Variants in RP1 observed in about 807,000 individuals in gnomAD.
The protein encoded by RP1 is oxygen-regulated protein 1.
In RP1, 16 loss-of-function variants were observed where a neutral mutation model predicts 14.8. That is an observed-to-expected ratio of 1.08 (90% CI 0.73 to 1.65). The LOEUF is 1.65. Ranked by LOEUF, RP1 falls within the 40% of genes most tolerant of loss-of-function variation. RP1 has a pLI of 0.00. For synonymous variants in RP1, 876 were observed against 883.6 expected, an observed-to-expected ratio of 0.99 and a Z score of 0.15; for missense variants, 2,631 against 2,535.0, an observed-to-expected ratio of 1.04 and a Z score of -0.81.
intron 22 of RP1, among the ~76,000 whole-genome samples, chr8:54,765,513 C>T (rs1031272526): frequency 5.3e-5 from 8 of 152,204 alleles, no homozygotes; most frequent in Non-Finnish European, 8.8e-5. Flanking sequence ...GCCAGCTCTG[C>T]CTGAAGGTGT....
chr8:54,769,164 G>A (rs1809840651), intron 22 of RP1, among the ~76,000 whole-genome samples: 1 of 152,106 alleles, frequency 6.6e-6, no homozygotes, highest in South Asian at 2.1e-4. Context: ...AAAGTGCTGG[G>A]ATTACAGGCA....
At chr8:54,851,646 G>A (rs1812063430) in intron 25 of RP1, among the ~76,000 whole-genome samples, 2 of 152,092 alleles carry the variant, frequency 1.3e-5, no homozygotes, top group Admixed American at 1.3e-4. Context: ...CACTCAGCTG[G>A]GTTTCACTCT....
rs1295563259 is a variant in RP1 at position 54,630,313 on chromosome 8, T to A, written c.6431T>A (p.Leu2144Ter). ...TGGGAAGAGGAAGACATATTAAATT[T>A]AACTGATCTTGAAAGCAGTAGAGAA... ...FIWEEEDILN[L>*]TDLESSREQE... is the part of the protein sequence containing the mutation. The change falls in exon 4 of 4, where the codon TTA (leucine) becomes TAA (stop). Residue 2144 changes from leucine (L) to a stop codon, truncating the protein, a stop_gained. Transcript: ENST00000220676. LOFTEE classifies it high-confidence loss of function. 1 of 1,613,804 alleles carries A rather than the reference T, an allele frequency of 6.2e-7. No homozygotes were observed. The highest frequency in any genetic ancestry group is 2.2e-5 in the East Asian group (1 of 44,822).
chr8:54,816,831 C>T (rs1366124789), intron 24 of RP1, among the ~76,000 whole-genome samples: 1 of 152,150 alleles, frequency 6.6e-6, no homozygotes, highest in Admixed American at 6.5e-5. Context: ...TGTGCTTCCC[C>T]CAGGTCCCAA....
At chr8:54,640,885 C>T (rs1806440233) in intron 3 of RP1, among the ~76,000 whole-genome samples, 1 of 151,726 alleles carries the variant, frequency 6.6e-6, no homozygotes, top group East Asian at 1.9e-4. Flanking sequence ...CTCTTATTGC[C>T]TTGCTTGGAG....
Position 54,749,162 on chromosome 8 carries a change from C to G in RP1, c.2809-5641C>G, listed in dbSNP as rs192600339. Among the ~76,000 whole-genome samples, 22 of 152,022 alleles carry G rather than the reference C, an allele frequency of 1.4e-4. No homozygotes were observed. In the East Asian group the frequency reaches 3.7e-3, roughly 25 times the overall value. On this transcript the variant is annotated intron_variant, in intron 19 of 22. Coordinates refer to the RP1 transcript ENST00000636932. The stretch of plus-strand genomic sequence containing the variant: ...TGGCTAACATGGTGAAACCCTGTCT[C>G]TACTAAAAAATACAAAAAATTAGCC...
intron 24 of RP1, among the ~76,000 whole-genome samples, chr8:54,784,128 G>A (rs1414792267): frequency 1.3e-5 from 2 of 152,088 alleles, no homozygotes; most frequent in East Asian, 3.9e-4. Flanking sequence ...CAGGCCTAAT[G>A]ACTAAGACAT....
exon 19 of RP1, chr8:54,738,959 C>T (rs1373259670): frequency 6.7e-7 from 1 of 1,498,434 alleles, no homozygotes; most frequent in Non-Finnish European, 8.9e-7. Flanking sequence ...ATAAGAAACA[C>T]TGGAAACATA....
At chr8:54,800,911 T>C (rs1810689823) in intron 24 of RP1, among the ~76,000 whole-genome samples, 1 of 152,214 alleles carries the variant, frequency 6.6e-6, no homozygotes, top group Admixed American at 6.5e-5. Flanking sequence ...CCAAGCCTTG[T>C]AGGTTTTGTT....
chr8:54,584,542 T>C (rs894795023), intron 1 of RP1, among the ~76,000 whole-genome samples: 2 of 152,326 alleles, frequency 1.3e-5, no homozygotes, highest in African/African-American at 4.8e-5. Flanking sequence ...CTGAGTTCAG[T>C]TCCTGGATAT....
At chr8:54,713,690 C>A (rs1416743189) in intron 15 of RP1, among the ~76,000 whole-genome samples, 11 of 152,140 alleles carry the variant, frequency 7.2e-5, no homozygotes, top group Admixed American at 6.5e-4. Flanking sequence ...TAGGTTTACA[C>A]GGTGCTAGAC....
In RP1 at chr8:54,591,395, C is replaced by T. The variant is rs191252076; in HGVS notation, c.-12-29560C>T. 3.9e-3 allele frequency among the ~76,000 whole-genome samples: 596 copies of T among 152,118 alleles called. 3 individuals carry two copies. Among genetic ancestry groups the T allele is most frequent in the African/African-American group, 0.013 (553 of 41,486 alleles). ...CTCAGGGGCTTTGTACTTGCTCTGT[C>T]TTCTGTTTGGAATACATTTCTTCTG... On this transcript the variant is annotated intron_variant, in intron 1 of 22. Coordinates refer to the RP1 transcript ENST00000636932.
At chr8:54,737,358 A>G (rs917125450) in intron 18 of RP1, among the ~76,000 whole-genome samples, 13 of 152,334 alleles carry the variant, frequency 8.5e-5, no homozygotes, top group Admixed American at 3.3e-4. Context: ...ATCAAGTCAC[A>G]TATGCTTGGT....
At chr8:54,853,365 G>A (rs552481669) in intron 26 of RP1, among the ~76,000 whole-genome samples, 2 of 152,206 alleles carry the variant, frequency 1.3e-5, no homozygotes, top group Admixed American at 6.5e-5. Context: ...AGAGAGAGAC[G>A]TAAAGAGGAA....
upstream of RP1, among the ~76,000 whole-genome samples, chr8:54,615,567 A>C (rs1379402850): frequency 6.6e-6 from 1 of 152,212 alleles, no homozygotes; most frequent in African/African-American, 2.4e-5. Context: ...GCATAAAATC[A>C]TAGCATTTCA....
intron 24 of RP1, among the ~76,000 whole-genome samples, chr8:54,792,295 G>A (rs763012147): frequency 5.3e-5 from 8 of 151,780 alleles, no homozygotes; most frequent in South Asian, 2.1e-4. Context: ...CCTCAATGAC[G>A]GATAGATCAT....
At chr8:54,839,214 C>T (rs937914670) in intron 25 of RP1, among the ~76,000 whole-genome samples, 1 of 152,184 alleles carries the variant, frequency 6.6e-6, no homozygotes, top group Non-Finnish European at 1.5e-5. Flanking sequence ...TTGAGCCTCT[C>T]TCTAACTTCT....
At chr8:54,583,257 T>A (rs1197499590) in intron 1 of RP1, among the ~76,000 whole-genome samples, 2 of 152,212 alleles carry the variant, frequency 1.3e-5, no homozygotes, top group Admixed American at 6.5e-5. Context: ...ATTGAGATAG[T>A]CATGTGGTTT....
At chr8:54,772,472 A>G (rs1809932319), downstream of RP1, among the ~76,000 whole-genome samples, 1 of 152,204 alleles carries the variant, frequency 6.6e-6, no homozygotes, top group Non-Finnish European at 1.5e-5. Context: ...TTATCCTCAT[A>G]TGTTGTCTAG....
Sources: allele counts gnomAD v4.1 joint callset (sites outside exome capture counted in the v4.1 genomes callset), GRCh38; gene constraint gnomAD v4.1.1; transcripts MANE v1.5; gene names NCBI Gene and HGNC (gene_info 2026-07-23, HGNC 2026-07-21).